TTYH3: variants seen among roughly 807,000 people sequenced by gnomAD.
The protein encoded by TTYH3 is protein tweety homolog 3.
A neutral mutation model predicts 68.2 loss-of-function variants in TTYH3; 23 were observed. The ratio of observed to expected loss-of-function variants is 0.34; its 90% CI spans 0.24 to 0.48. The LOEUF is 0.48. TTYH3 is among the 20% of genes least tolerant of loss of function. The pLI is 0.99. For missense variants in TTYH3, 768 were observed against 727.7 expected, an observed-to-expected ratio of 1.06 and a Z score of -0.64; for synonymous variants, 360 against 332.8, an observed-to-expected ratio of 1.08 and a Z score of -0.89.
At chr7:2,649,524 C>CG (rs1786100708) in intron 5 of TTYH3, 43 bp from the exon 6 acceptor site, 3 of 1,543,882 alleles carry the variant, frequency 1.9e-6, no homozygotes, top group Non-Finnish European at 2.6e-6. Flanking sequence ...GGCACGGCCC[C>CG]CACCCTGGCC....
chr7:2,661,857 G>T lies in TTYH3; in HGVS notation c.*118G>T. The T allele has an allele frequency of 9.0e-7, 1 of 1,112,942 alleles. No homozygotes were observed. The highest frequency in any genetic ancestry group is 1.3e-6 in the Non-Finnish European group (1 of 769,780). 68.9% of individuals were successfully genotyped at this position (1,112,942 alleles called of 1,614,324 possible). On this transcript the variant is annotated 3_prime_UTR_variant, in exon 14 of 14. Coordinates refer to ENST00000258796, the MANE Select transcript of TTYH3 (RefSeq NM_025250.3). ...ACGCCGTGCCAGGCCTGCCCCAGAC[G>T]CGTCTGCAGGCCGCTTGCCCTCCTG...
Position 2,647,196 on chromosome 7 carries a change from T to G in TTYH3, c.348T>G (p.His116Gln). The G allele has an allele frequency of 6.2e-7, 1 of 1,606,494 alleles. No individual in the cohort carries two copies. Among genetic ancestry groups the G allele is most frequent in the South Asian group, 1.1e-5 (1 of 90,028 alleles). Residue 116 changes from histidine to glutamine, a missense_variant, in exon 3 of 14, where the codon CAT (histidine) becomes CAG (glutamine). Transcript: ENST00000258796. ...ACGGGGAGACCAGTGATGGCATCCA[T>G]AGGGCCACCTACTCGCTCCGCCACG... is the stretch of plus-strand genomic sequence containing the variant. ...YGNGETSDGI[H>Q]RATYSLRHAN...
chr7:2,648,505 G>GC (rs144648395), intron 5 of TTYH3: 4,564 of 159,294 alleles, frequency 0.029, 219 homozygotes, highest in African/African-American at 0.1. Context: ...TCCTCGTTTG[G>GC]AAGGCAGAGA....
At chr7:2,659,927 C>T (rs749066285) in intron 13 of TTYH3, 78 of 1,302,116 alleles carry the variant, frequency 6.0e-5, no homozygotes, top group Middle Eastern at 4.3e-4. Context: ...CCACCCACCC[C>T]GGGCCCTCCT....
chr7:2,652,773 G>A, intron 8 of TTYH3, 145 bp from the exon 9 acceptor site: 8 of 655,980 alleles, frequency 1.2e-5, no homozygotes, highest in Non-Finnish European at 2.1e-5. Flanking sequence ...CAAGGGCAGG[G>A]AGTGCCCTGT....
intron 13 of TTYH3, chr7:2,660,048 C>T (rs1469073590): frequency 8.7e-7 from 1 of 1,149,382 alleles, no homozygotes; most frequent in Non-Finnish European, 1.1e-6. Flanking sequence ...CAGGTACTGA[C>T]CCACCGGTCC....
rs765349110 is a variant in TTYH3 at position 2,649,585 on chromosome 7, C to T, written c.741C>T (p.Val247=). The change falls in exon 6 of 14, where the codon GTC becomes GTT. Residue 247 remains valine, a synonymous_variant. Coordinates refer to ENST00000258796, the MANE Select transcript of TTYH3 (RefSeq NM_025250.3). ...GCCCCAGGGTCTGCCTGCTGGGAGT[C>T]CTGGCCCTGGTCATCAGCTGGGGCG... ...GILVGVCLLG[V]LALVISWGAL... is the part of the protein sequence containing the mutation. 1.0e-4 allele frequency: 164 copies of T among 1,593,654 alleles called. No individual in the cohort carries two copies. The East Asian group carries it at 3.6e-3, about 35-fold the overall frequency.
chr7:2,660,601 A>G (rs1439886495), intron 13 of TTYH3: 2 of 940,078 alleles, frequency 2.1e-6, no homozygotes, highest in Non-Finnish European at 2.5e-6. Context: ...GCTGCATGTC[A>G]GTGGAATGAC....
chr7:2,643,338 G>C (rs1785901887), intron 1 of TTYH3, among the ~76,000 whole-genome samples: 1 of 144,670 alleles, frequency 6.9e-6, no homozygotes, highest in East Asian at 2.0e-4. Flanking sequence ...CTGGGCGACA[G>C]AGCGAGACTC....
Position 2,647,002 on chromosome 7 carries a change from C to G in TTYH3, c.273C>G (p.Ile91Met), listed in dbSNP as rs139351054. The G allele has an allele frequency of 1.3e-6, 2 of 1,579,732 alleles. No homozygotes were observed. Among genetic ancestry groups the G allele is most frequent in the East Asian group, 2.3e-5 (1 of 43,830 alleles). ...ADCCCTAWCVIIATLVCSAGI... is the reference protein window; with the variant it reads ...ADCCCTAWCVMIATLVCSAGI... ...GCTGCTGCACGGCCTGGTGTGTCAT[C>G]ATCGCCACGCTGGTGTGCAGGTGAG... The change falls in exon 2 of 14, where the codon ATC becomes ATG. Residue 91 changes from isoleucine (I) to methionine (M), a missense_variant. Coordinates refer to ENST00000258796, the MANE Select transcript of TTYH3 (RefSeq NM_025250.3).
At position 2,660,624 on chromosome 7, in the gene TTYH3, C is replaced by T. The variant is rs1043475877; in HGVS notation, c.1501-1044C>T. ...TCAGTGGAATGACGAGGCTCCGGGC[C>T]GTGGCTCCTCCCCCCACCCCCTCCG... On this transcript the variant is annotated intron_variant, in intron 13 of 13. Coordinates refer to ENST00000258796, the MANE Select transcript of TTYH3 (RefSeq NM_025250.3). 58 of 915,166 alleles carry T rather than the reference C, an allele frequency of 6.3e-5. 1 individual carries two copies. The highest frequency in any genetic ancestry group is 1.1e-4 in the African/African-American group (6 of 55,806). 56.7% of individuals were successfully genotyped at this position (915,166 alleles called of 1,614,324 possible).
At chr7:2,657,893 C>T (rs1237594329) in intron 11 of TTYH3, among the ~76,000 whole-genome samples, 1 of 152,230 alleles carries the variant, frequency 6.6e-6, no homozygotes, top group Non-Finnish European at 1.5e-5. Context: ...GGAAAACTGG[C>T]TCAGGCCACC....
intron 5 of TTYH3, 129 bp from the exon 6 acceptor site, chr7:2,649,438 G>A: frequency 1.1e-6 from 1 of 897,882 alleles, no homozygotes; most frequent in African/African-American, 1.6e-5. Flanking sequence ...CAGGCCACAG[G>A]AAGAGCCCCA....
rs535678488 is a variant in TTYH3, at chr7:2,637,295, G to A, written c.123+5017G>A. Among the ~76,000 whole-genome samples, 3 of 152,240 alleles carry A rather than the reference G, an allele frequency of 2.0e-5. No homozygotes were observed. In the South Asian group the frequency reaches 6.2e-4, roughly 32 times the overall value. ...GCTCTTGGTCAGGCTCTGGGGGAGC[G>A]GGGAGCCCTGCAGCTTGGTTCCCCA... On this transcript the variant is annotated intron_variant, in intron 1 of 13. Coordinates refer to ENST00000258796, the MANE Select transcript of TTYH3 (RefSeq NM_025250.3).
At chr7:2,651,792 G>C (rs1414184104) in intron 7 of TTYH3, among the ~76,000 whole-genome samples, 3 of 152,176 alleles carry the variant, frequency 2.0e-5, no homozygotes, top group Non-Finnish European at 2.9e-5. Context: ...CTTGTAAAGA[G>C]TTCGGAAGGT....
intron 5 of TTYH3, among the ~76,000 whole-genome samples, chr7:2,649,299 A>T (rs1786094211): frequency 6.6e-6 from 1 of 151,948 alleles, no homozygotes; most frequent in South Asian, 2.1e-4. Flanking sequence ...GACCTGGGGG[A>T]CAGGAGGGGC....
In TTYH3 at chr7:2,645,838, T is replaced by C. The variant is rs1424822635; in HGVS notation, c.124-1015T>C. 1 of 470,676 alleles carries C rather than the reference T, an allele frequency of 2.1e-6. No individual in the cohort carries two copies. Among genetic ancestry groups the C allele is most frequent in the Non-Finnish European group, 4.4e-6 (1 of 226,960 alleles). The allele number at this position is 470,676 out of a possible 1,614,324, so 29.2% of individuals were successfully genotyped here. A position where few individuals can be genotyped will look rare whatever the true frequency, so the allele number is the denominator to read the frequency against. On this transcript the variant is annotated intron_variant, in intron 1 of 13. Coordinates refer to ENST00000258796, the MANE Select transcript of TTYH3 (RefSeq NM_025250.3). This position sits in a 1 kb window ranked among gnomAD's most constrained non-coding sequence, Gnocchi z 4.8. Reference sequence around the variant, plus strand: ...AGGCTCCCAATTTCCCTACCAGACCTGAAAACCTCAGGACTACAGCTGGGG... The same window carrying C: ...AGGCTCCCAATTTCCCTACCAGACCCGAAAACCTCAGGACTACAGCTGGGG...
At chr7:2,652,295 C>CTG in intron 8 of TTYH3, 53 bp downstream of exon 8, 1 of 1,539,898 alleles carries the variant, frequency 6.5e-7, no homozygotes, top group African/African-American at 1.4e-5. Flanking sequence ...AAGCACATTG[C>CTG]TGTGTGTGGA....
At chr7:2,638,902 G>T (rs1370875743) in intron 1 of TTYH3, among the ~76,000 whole-genome samples, 1 of 152,172 alleles carries the variant, frequency 6.6e-6, no homozygotes, top group African/African-American at 2.4e-5. Context: ...CCACTTCCCA[G>T]TGGCGGGCCC....
Sources: gnomAD v4.1 joint callset for allele counts (sites outside exome capture counted in the v4.1 genomes callset) on GRCh38, gnomAD v4.1.1 for gene constraint, Gnocchi (gnomAD v3.1) non-coding constraint, MANE v1.5 for transcripts, NCBI Gene and HGNC (gene_info 2026-07-23, HGNC 2026-07-21) for gene names.